The following AK5 variants were observed in gnomAD, a reference collection of about 807,000 sequenced individuals.
AK5 encodes adenylate kinase isoenzyme 5.
In AK5, 27 loss-of-function variants were observed where a neutral mutation model predicts 69.5. That is an observed-to-expected ratio of 0.39 (90% CI 0.29 to 0.54). The LOEUF (loss-of-function observed/expected upper bound fraction) is 0.54. Among genes scored for constraint, AK5 ranks in the 20% least tolerant of loss-of-function variants. AK5 has a pLI of 0.71. For missense variants in AK5, 531 were observed against 700.4 expected (o/e 0.76, Z 2.73); for synonymous variants, 260 against 244.4 (o/e 1.06, Z -0.60).
In AK5 at chr1:77,428,894, G is replaced by A. The variant is rs1462839517; in HGVS notation, c.1059+11179G>A. Among the ~76,000 whole-genome samples the A allele has an allele frequency of 3.3e-5, 5 of 152,168 alleles. No individual in the cohort carries two copies. In the East Asian group the frequency reaches 5.8e-4, roughly 18 times the overall value. Reference sequence around the variant, plus strand: ...TTGCGATAGTTTGCTGAGAATGATGGTTTCCAGCTTCATCCATGTCCCTAC... The same window carrying A: ...TTGCGATAGTTTGCTGAGAATGATGATTTCCAGCTTCATCCATGTCCCTAC... On this transcript the variant is annotated intron_variant, in intron 8 of 13. Coordinates refer to ENST00000354567, the MANE Select transcript of AK5 (RefSeq NM_174858.3).
At chr1:77,554,284 A>G (rs774749166) in intron 13 of AK5, among the ~76,000 whole-genome samples, 2 of 152,134 alleles carry the variant, frequency 1.3e-5, no homozygotes, top group East Asian at 1.9e-4. Context: ...GTACATGTCT[A>G]TTCTTCTAGG....
chr1:77,547,633 A>G (rs1419908321), intron 13 of AK5, among the ~76,000 whole-genome samples: 1 of 152,112 alleles, frequency 6.6e-6, no homozygotes, highest in African/African-American at 2.4e-5. Context: ...AAAATCTGGT[A>G]CTTAGGGCTT....
At chr1:77,323,243 T>G (rs1456265766) in intron 5 of AK5, among the ~76,000 whole-genome samples, 1 of 152,162 alleles carries the variant, frequency 6.6e-6, no homozygotes, top group Non-Finnish European at 1.5e-5. Context: ...CTGCCTACCT[T>G]GGCCTCCCAA....
At chr1:77,334,995 A>G (rs1661274962) in intron 5 of AK5, among the ~76,000 whole-genome samples, 1 of 152,180 alleles carries the variant, frequency 6.6e-6, no homozygotes, top group African/African-American at 2.4e-5. Context: ...TTTTGTTTCA[A>G]CTGTGATTTT....
chr1:77,399,496 C>G (rs1219524658), intron 6 of AK5, among the ~76,000 whole-genome samples: 1 of 152,176 alleles, frequency 6.6e-6, no homozygotes. Flanking sequence ...GGAATGCTTT[C>G]TCTCAGTCAA....
chr1:77,434,927 G>T (rs1651868429), intron 8 of AK5, among the ~76,000 whole-genome samples: 1 of 152,118 alleles, frequency 6.6e-6, no homozygotes, highest in African/African-American at 2.4e-5. Flanking sequence ...CTTTAAAAAA[G>T]TGAAAACATG....
chr1:77,367,165 G>A (rs1557531814), intron 6 of AK5, among the ~76,000 whole-genome samples: 1 of 151,782 alleles, frequency 6.6e-6, no homozygotes, highest in Non-Finnish European at 1.5e-5. Flanking sequence ...TATAGTATAT[G>A]GGTTGAGTAT....
chr1:77,380,178 G>T (rs559958524), intron 6 of AK5, among the ~76,000 whole-genome samples: 5 of 152,266 alleles, frequency 3.3e-5, no homozygotes, highest in East Asian at 3.9e-4. Context: ...CAACTGCTGA[G>T]TACACCATCA....
At position 77,403,614 on chromosome 1, in the gene AK5, C is replaced by T. The variant is rs148170967; in HGVS notation, c.892-7367C>T. Among the ~76,000 whole-genome samples the T allele has an allele frequency of 9.7e-3, 1,471 of 152,270 alleles. 12 individuals are homozygous for T. The highest frequency in any genetic ancestry group is 0.075 in the Middle Eastern group (22 of 294). On this transcript the variant is annotated intron_variant, in intron 6 of 13. Transcript: ENST00000354567. ...CAAAGATCAGATAGTTGTAGCCATG[C>T]GGCATTATTTCTGAGGGCTCTGTTC...
At chr1:77,542,004 A>G (rs1035182523) in intron 13 of AK5, among the ~76,000 whole-genome samples, 1 of 152,148 alleles carries the variant, frequency 6.6e-6, no homozygotes, top group Non-Finnish European at 1.5e-5. Flanking sequence ...CTGGGGACAC[A>G]GCAGTCAACG....
At chr1:77,399,550 G>T (rs960339047) in intron 6 of AK5, among the ~76,000 whole-genome samples, 1 of 152,158 alleles carries the variant, frequency 6.6e-6, no homozygotes, top group African/African-American at 2.4e-5. Context: ...TGAGGGAGGG[G>T]CAGCTAAGCT....
rs762714026 is a variant in AK5 at position 77,358,018 on chromosome 1, T to TGTGTGTGTGTGAGA, written c.891+17451_891+17452insTGTGTGTGTGAGAG. Among the ~76,000 whole-genome samples the TGTGTGTGTGTGAGA allele has an allele frequency of 1.1e-3, 142 of 128,272 alleles. No homozygotes were observed. In the South Asian group the frequency reaches 0.012, roughly 11 times the overall value. The allele number at this position is 128,272 out of a possible 152,430, so 84.2% of individuals were successfully genotyped here. The stretch of plus-strand genomic sequence containing the variant: ...GTGTGTGTGTGTGTGTGTGTGTGTG[T>TGTGTGTGTGTGAGA]GAGAGAGAGAGAGAGAGAGAGACAG... On this transcript the variant is annotated intron_variant, in intron 6 of 13. Transcript: ENST00000354567.
intron 8 of AK5, among the ~76,000 whole-genome samples, chr1:77,425,614 T>C (rs7415865): frequency 0.93 from 141,388 of 152,258 alleles, 65,757 homozygotes; most frequent in East Asian, 0.97. Flanking sequence ...AGAAAAATGA[T>C]GTAGTTCAGA....
In AK5 at chr1:77,455,775, G is replaced by A. The variant is rs535575354; in HGVS notation, c.1060-27542G>A. On this transcript the variant is annotated intron_variant, in intron 8 of 13. Coordinates refer to ENST00000354567, the MANE Select transcript of AK5 (RefSeq NM_174858.3). ...AGCTGTAAAACCTCCCCACGTTCAC[G>A]CCCCACCCCCAGAGATTCTGAGAAT... is the stretch of plus-strand genomic sequence containing the variant. Among the ~76,000 whole-genome samples the A allele has an allele frequency of 6.6e-4, 100 of 152,122 alleles. 2 individuals are homozygous for A. Among genetic ancestry groups the A allele is most frequent in the Middle Eastern group, 3.4e-3 (1 of 294 alleles).
At chr1:77,482,065 G>A (rs1163584167) in intron 8 of AK5, among the ~76,000 whole-genome samples, 2 of 152,206 alleles carry the variant, frequency 1.3e-5, no homozygotes, top group Admixed American at 1.3e-4. Context: ...TTATAGAATA[G>A]TATTATATCG....
intron 8 of AK5, among the ~76,000 whole-genome samples, chr1:77,461,496 G>A (rs1053737126): frequency 2.0e-5 from 3 of 151,698 alleles, no homozygotes; most frequent in Non-Finnish European, 4.4e-5. Flanking sequence ...TTGTGGCCGG[G>A]CACGGTGGCT....
intron 7 of AK5, among the ~76,000 whole-genome samples, chr1:77,411,867 G>A (rs745867455): frequency 1.3e-5 from 2 of 152,194 alleles, no homozygotes; most frequent in Non-Finnish European, 2.9e-5. Context: ...GGGTAAGGTG[G>A]TAGTCTTTCT....
intron 6 of AK5, among the ~76,000 whole-genome samples, chr1:77,369,415 A>G (rs1162444885): frequency 6.6e-6 from 1 of 152,200 alleles, no homozygotes; most frequent in Non-Finnish European, 1.5e-5. Flanking sequence ...TTCTTATGAA[A>G]GCAGATGCTC....
chr1:77,450,300 C>T (rs1464736258), intron 8 of AK5, among the ~76,000 whole-genome samples: 1 of 152,158 alleles, frequency 6.6e-6, no homozygotes, highest in Non-Finnish European at 1.5e-5. Flanking sequence ...TTACCCAGTT[C>T]CAAAGTCGCT....
Sources: allele counts gnomAD v4.1 joint callset (sites outside exome capture counted in the v4.1 genomes callset), GRCh38; gene constraint gnomAD v4.1.1; transcripts MANE v1.5; gene names NCBI Gene and HGNC (gene_info 2026-07-23, HGNC 2026-07-21).